The following MAPKAPK5 variants were observed in gnomAD, a reference collection of about 807,000 sequenced individuals.
MAPKAPK5 encodes MAP kinase-activated protein kinase 5.
A neutral mutation model predicts 65.1 loss-of-function variants in MAPKAPK5; 30 were observed. The ratio of observed to expected loss-of-function variants is 0.46; its 90% CI spans 0.34 to 0.63. MAPKAPK5 has a LOEUF of 0.63. Ranked by LOEUF, MAPKAPK5 falls within the 20% of genes least tolerant of loss-of-function variation. The probability of loss-of-function intolerance (pLI) is 0.01; values close to 1 mark genes in which losing one functional copy is unlikely to be tolerated. For synonymous variants in MAPKAPK5, 179 were observed against 204.6 expected (o/e 0.87, Z 1.07); for missense variants, 433 against 581.4 (o/e 0.74, Z 2.63).
rs146814776 is a variant in MAPKAPK5, at chr12:111,895,917, G to C, written c.*2856G>C. 3 of 152,306 alleles carry C rather than the reference G, an allele frequency of 2.0e-5. No individual in the cohort carries two copies. Among genetic ancestry groups the C allele is most frequent in the African/African-American group, 7.2e-5 (3 of 41,560 alleles). The allele number at this position is 152,306 out of a possible 1,614,324, so 9.4% of individuals were successfully genotyped here. ...TACTGACCAGAAAACTTGACTGAGAGTTGAATTAAGTGCCTGTTGTTGTGT... is the reference window on the plus strand; with the variant it reads ...TACTGACCAGAAAACTTGACTGAGACTTGAATTAAGTGCCTGTTGTTGTGT... On this transcript the variant is annotated 3_prime_UTR_variant, in exon 14 of 14. Coordinates refer to ENST00000550735, the MANE Select transcript of MAPKAPK5 (RefSeq NM_003668.4).
intron 8 of MAPKAPK5, chr12:111,882,860 C>A (rs1354531412): frequency 6.1e-6 from 6 of 984,988 alleles, no homozygotes; most frequent in Non-Finnish European, 7.2e-6. Flanking sequence ...GTAGGTGAGC[C>A]TACCTGTCTC....
At chr12:111,842,876 C>T in intron 1 of MAPKAPK5, 107 bp downstream of exon 1, 8 of 1,114,702 alleles carry the variant, frequency 7.2e-6, no homozygotes, top group Non-Finnish European at 8.1e-6. Flanking sequence ...CATCGACTAC[C>T]GGGTTTCGGC....
intron 1 of MAPKAPK5, among the ~76,000 whole-genome samples, chr12:111,861,513 A>G (rs558915843): frequency 6.6e-6 from 1 of 152,110 alleles, no homozygotes; most frequent in East Asian, 1.9e-4. Context: ...TTTTTAGTAG[A>G]GATGGGGTTT....
intron 1 of MAPKAPK5, among the ~76,000 whole-genome samples, chr12:111,844,892 T>C (rs1431560602): frequency 6.6e-6 from 1 of 152,078 alleles, no homozygotes; most frequent in Non-Finnish European, 1.5e-5. Context: ...AAGAGCAAGG[T>C]GGCTGGAATG....
intron 3 of MAPKAPK5, 128 bp downstream of exon 3, chr12:111,866,359 C>T (rs1403282481): frequency 2.8e-6 from 2 of 705,072 alleles, no homozygotes; most frequent in African/African-American, 3.6e-5. Context: ...CTTTACCTCT[C>T]TTCCCCATTC....
At chr12:111,863,925 C>T (rs142324638) in intron 1 of MAPKAPK5, among the ~76,000 whole-genome samples, 3,288 of 152,030 alleles carry the variant, frequency 0.022, 77 homozygotes, top group South Asian at 0.047. Flanking sequence ...TTCTTAAGGT[C>T]TGCAGTTGGT....
chr12:111,859,352 C>T (rs1364885315), intron 1 of MAPKAPK5, among the ~76,000 whole-genome samples: 4 of 149,554 alleles, frequency 2.7e-5, no homozygotes, highest in Non-Finnish European at 5.9e-5. Flanking sequence ...GATCTCAGCT[C>T]ATTGCAACCT....
intron 1 of MAPKAPK5, among the ~76,000 whole-genome samples, chr12:111,860,312 A>G (rs768848156): frequency 6.6e-6 from 1 of 152,194 alleles, no homozygotes; most frequent in Non-Finnish European, 1.5e-5. Flanking sequence ...TGCTGGCTCT[A>G]AAGTCTCCTT....
intron 1 of MAPKAPK5, among the ~76,000 whole-genome samples, chr12:111,845,477 C>T (rs1160239749): frequency 2.0e-5 from 3 of 152,032 alleles, no homozygotes; most frequent in South Asian, 2.1e-4. Flanking sequence ...TTTTATTAGC[C>T]GTGTGTCTGA....
intron 1 of MAPKAPK5, among the ~76,000 whole-genome samples, chr12:111,847,155 A>G (rs1410604745): frequency 2.6e-5 from 4 of 151,810 alleles, no homozygotes; most frequent in African/African-American, 9.7e-5. Flanking sequence ...CAGCCTGGCC[A>G]ACATTGTGAA....
rs185715543 is a variant in MAPKAPK5, at chr12:111,854,948, G to T, written c.37-10302G>T. 2.9e-4 allele frequency among the ~76,000 whole-genome samples: 44 copies of T among 151,986 alleles called. No individual in the cohort carries two copies. In the East Asian group the frequency reaches 5.0e-3, roughly 17 times the overall value. The stretch of plus-strand genomic sequence containing the variant: ...GGGAAGATACTCAGTTATTAATTCA[G>T]TTTTTTTTACTTGTTACAGGTCTAT... On this transcript the variant is annotated intron_variant, in intron 1 of 13. Transcript: ENST00000550735.
At chr12:111,882,472 G>C (rs1180143195) in intron 8 of MAPKAPK5, among the ~76,000 whole-genome samples, 3 of 152,130 alleles carry the variant, frequency 2.0e-5, no homozygotes, top group African/African-American at 7.2e-5. Flanking sequence ...GGGGAGTGTG[G>C]GGCCCCAGTG....
chr12:111,856,395 C>CTTTTTTTTTTTTTTTTTTTT (rs59520011), intron 1 of MAPKAPK5, among the ~76,000 whole-genome samples: 1 of 143,372 alleles, frequency 7.0e-6, no homozygotes, highest in African/African-American at 2.6e-5. Flanking sequence ...TCTCCCTCTT[C>CTTTTTTTTTTTTTTTTTTTT]TTTTTTTTTC....
intron 8 of MAPKAPK5, among the ~76,000 whole-genome samples, chr12:111,880,780 G>T (rs535551838): frequency 6.6e-6 from 1 of 152,312 alleles, no homozygotes; most frequent in Admixed American, 6.5e-5. Flanking sequence ...ATCAAATAAA[G>T]TTTGTACCCA....
chr12:111,843,779 TATAAC>T (rs544931861), intron 1 of MAPKAPK5, among the ~76,000 whole-genome samples: 519 of 152,308 alleles, frequency 3.4e-3, no homozygotes, highest in Non-Finnish European at 4.2e-3. Flanking sequence ...GGCATCAACA[TATAAC>T]ATATACATTA....
chr12:111,883,483 G>A lies in MAPKAPK5; in HGVS notation c.661-98G>A. 1.0e-6 allele frequency: 1 copy of A among 977,778 alleles called. No homozygotes were observed. The highest frequency in any genetic ancestry group is 2.4e-5 in the East Asian group (1 of 41,626). The allele number at this position is 977,778 out of a possible 1,614,324, so 60.6% of individuals were successfully genotyped here. On this transcript the variant is annotated intron_variant, in intron 8 of 13. Coordinates refer to ENST00000550735, the MANE Select transcript of MAPKAPK5 (RefSeq NM_003668.4). This position sits in a 1 kb window ranked among gnomAD's most constrained non-coding sequence, Gnocchi z 4.8. The stretch of plus-strand genomic sequence containing the variant: ...TGTTAAGTGACTCTAGTTTATATCA[G>A]CCTATATATTGCAGGGGCTATTCCT...
rs1173630962 is a variant in MAPKAPK5, at chr12:111,868,849, A to C, written c.381A>C (p.Gln127His). The change falls in exon 5 of 14, where the codon CAA (glutamine) becomes CAC (histidine). Residue 127 changes from glutamine to histidine, a missense_variant. Gln to His is a conservative substitution (Grantham distance 24, BLOSUM62 0). Around this residue, in one of 3 missense-constraint regions of MAPKAPK5, gnomAD observed 165 missense variants for 180.0 expected, o/e 0.92. Coordinates refer to ENST00000550735, the MANE Select transcript of MAPKAPK5 (RefSeq NM_003668.4). The stretch of plus-strand genomic sequence containing the variant: ...ACTTTACAGAGAAGCAAGCCAGCCA[A>C]GTAACAAAGCAGGCAAGTTAACCCC... ...HRHFTEKQAS[Q>H]VTKQIALALR... The C allele has an allele frequency of 6.4e-7, 1 of 1,559,722 alleles. No individual in the cohort carries two copies. The highest frequency in any genetic ancestry group is 8.7e-7 in the Non-Finnish European group (1 of 1,151,816).
At position 111,895,069 on chromosome 12, in the gene MAPKAPK5, G is replaced by A. The variant is rs2070752125; in HGVS notation, c.*2008G>A. 1 of 146,240 alleles carries A rather than the reference G, an allele frequency of 6.8e-6. No individual in the cohort carries two copies. The highest frequency in any genetic ancestry group is 1.5e-5 in the Non-Finnish European group (1 of 66,640). The allele number at this position is 146,240 out of a possible 1,614,324, so 9.1% of individuals were successfully genotyped here. On this transcript the variant is annotated 3_prime_UTR_variant, in exon 14 of 14. Coordinates refer to ENST00000550735, the MANE Select transcript of MAPKAPK5 (RefSeq NM_003668.4). ...AGATGATAAAAAACAAGTGTCTTAA[G>A]AATTACCTTATTACATTGCTTCCTT...
intron 7 of MAPKAPK5, among the ~76,000 whole-genome samples, chr12:111,871,629 C>T (rs1054187714): frequency 4.0e-5 from 6 of 151,850 alleles, no homozygotes; most frequent in Non-Finnish European, 7.4e-5. Flanking sequence ...GGCGACAGAG[C>T]GAGACTCCGT....
Sources: allele counts gnomAD v4.1 joint callset (sites outside exome capture counted in the v4.1 genomes callset), GRCh38; gene constraint gnomAD v4.1.1; regional missense constraint gnomAD v4.1.1; non-coding constraint Gnocchi (gnomAD v3.1); transcripts MANE v1.5; gene names NCBI Gene and HGNC (gene_info 2026-07-23, HGNC 2026-07-21).